The following BBS9 variants were observed in gnomAD, a reference collection of about 807,000 sequenced individuals.
BBS9 encodes the protein protein PTHB1.
BBS9 carries 89 observed loss-of-function variants against 117.7 expected under a neutral mutation model. That is an observed-to-expected ratio of 0.76 (90% confidence interval 0.64 to 0.90). The LOEUF (loss-of-function observed/expected upper bound fraction) is 0.90, where lower values mean the gene tolerates loss of function less well. Ranked by LOEUF, BBS9 falls within the 40% of genes least tolerant of loss-of-function variation. BBS9 has a pLI of 0.00. For synonymous variants in BBS9, 379 were observed against 370.9 expected, an observed-to-expected ratio of 1.02 and a Z score of -0.25; for missense variants, 982 against 1,042.2, an observed-to-expected ratio of 0.94 and a Z score of 0.80.
chr7:33,449,885 A>G (rs1211646759), intron 19 of BBS9, among the ~76,000 whole-genome samples: 1 of 152,128 alleles, frequency 6.6e-6, no homozygotes, highest in African/African-American at 2.4e-5. Flanking sequence ...GACACACACG[A>G]CATAAAATTC....
chr7:33,576,424 A>G (rs1858877575), intron 21 of BBS9, among the ~76,000 whole-genome samples: 2 of 152,330 alleles, frequency 1.3e-5, no homozygotes, highest in Middle Eastern at 3.4e-3. Context: ...AAGAAATGGA[A>G]GAACATTTCA....
chr7:33,605,106 A>G, intron 22 of BBS9, 89 bp from the exon 23 acceptor site: 5 of 1,475,394 alleles, frequency 3.4e-6, no homozygotes, highest in Non-Finnish European at 4.7e-6. Context: ...TCCCCTTAGC[A>G]CTGGTGCAGC....
chr7:33,617,725 T>C (rs1865210786), intron 21 of BBS9, among the ~76,000 whole-genome samples: 2 of 152,182 alleles, frequency 1.3e-5, no homozygotes, highest in East Asian at 1.9e-4. Context: ...CCAAACAAAT[T>C]CTAGTGCTAA....
intron 21 of BBS9, among the ~76,000 whole-genome samples, chr7:33,548,683 C>G (rs946792556): frequency 2.6e-5 from 4 of 151,588 alleles, no homozygotes; most frequent in African/African-American, 7.3e-5. Flanking sequence ...ACAATTGCTT[C>G]AAAGAGAATA....
At chr7:33,549,882 A>C (rs1198291258) in intron 21 of BBS9, among the ~76,000 whole-genome samples, 1 of 152,214 alleles carries the variant, frequency 6.6e-6, no homozygotes, top group Non-Finnish European at 1.5e-5. Context: ...CCTCAGGAAG[A>C]TATTTAGCTC....
At chr7:33,167,193 A>T (rs6978749) in intron 4 of BBS9, among the ~76,000 whole-genome samples, 1 of 152,038 alleles carries the variant, frequency 6.6e-6, no homozygotes. Context: ...TGTTTCTCCA[A>T]TTTAGGTTCA....
At chr7:33,625,729 G>A (rs1388300328) in intron 21 of BBS9, among the ~76,000 whole-genome samples, 1 of 152,116 alleles carries the variant, frequency 6.6e-6, no homozygotes, top group Non-Finnish European at 1.5e-5. Flanking sequence ...TCCTACTTAG[G>A]TGGGTAATGC....
intron 13 of BBS9, among the ~76,000 whole-genome samples, chr7:33,350,691 G>A (rs1428200588): frequency 1.3e-5 from 2 of 152,124 alleles, no homozygotes; most frequent in African/African-American, 2.4e-5. Flanking sequence ...TTTGTACCTT[G>A]TTCTGGAGTT....
chr7:33,368,913 T>C, intron 17 of BBS9, among the ~76,000 whole-genome samples: 1 of 152,112 alleles, frequency 6.6e-6, no homozygotes, highest in South Asian at 2.1e-4. Flanking sequence ...GAAGACTCAA[T>C]AATAGGTCAC....
chr7:33,617,888 T>C (rs1413965762), intron 21 of BBS9, among the ~76,000 whole-genome samples: 1 of 152,142 alleles, frequency 6.6e-6, no homozygotes, highest in Non-Finnish European at 1.5e-5. Context: ...CCTATAAGAA[T>C]TGTGGGACAT....
At chr7:33,602,755 G>A (rs1863991244) in intron 21 of BBS9, among the ~76,000 whole-genome samples, 1 of 151,998 alleles carries the variant, frequency 6.6e-6, no homozygotes, top group Non-Finnish European at 1.5e-5. Flanking sequence ...ATGAAAGAAA[G>A]GTGGGTGGCA....
chr7:33,320,118 T>C (rs1811381643), intron 9 of BBS9, among the ~76,000 whole-genome samples: 1 of 152,160 alleles, frequency 6.6e-6, no homozygotes, highest in African/African-American at 2.4e-5. Flanking sequence ...AGTTCAGTTA[T>C]ACTCTTTAGC....
intron 19 of BBS9, among the ~76,000 whole-genome samples, chr7:33,435,206 A>C (rs963656278): frequency 6.6e-6 from 1 of 152,148 alleles, no homozygotes; most frequent in Admixed American, 6.5e-5. Context: ...TGTCTTACTG[A>C]TGGTAAAAGG....
intron 9 of BBS9, among the ~76,000 whole-genome samples, chr7:33,335,835 C>T (rs867657394): frequency 2.0e-5 from 3 of 151,940 alleles, no homozygotes; most frequent in African/African-American, 4.8e-5. Flanking sequence ...AATAGGAGAG[C>T]GTGTGAAGGA....
chr7:33,163,419 T>G (rs1336044399), intron 4 of BBS9, among the ~76,000 whole-genome samples: 1 of 152,232 alleles, frequency 6.6e-6, no homozygotes, highest in Non-Finnish European at 1.5e-5. Flanking sequence ...CACCTCCTCT[T>G]TGTACCTCTG....
At chr7:33,442,035 G>A (rs1563182319) in intron 19 of BBS9, among the ~76,000 whole-genome samples, 1 of 152,002 alleles carries the variant, frequency 6.6e-6, no homozygotes, top group East Asian at 1.9e-4. Flanking sequence ...GGGACTACAG[G>A]CACCCGCCAC....
intron 21 of BBS9, among the ~76,000 whole-genome samples, chr7:33,575,291 T>C (rs542141810): frequency 9.7e-4 from 147 of 152,206 alleles, no homozygotes; most frequent in African/African-American, 1.7e-3. Flanking sequence ...AGTTCATCAG[T>C]ATGTCTCTTA....
At chr7:33,493,243 C>T (rs1327656465) in intron 19 of BBS9, among the ~76,000 whole-genome samples, 1 of 152,202 alleles carries the variant, frequency 6.6e-6, no homozygotes, top group Non-Finnish European at 1.5e-5. Context: ...GATCGCCTGC[C>T]TTGGCCTCCC....
chr7:33,548,593 C>T (rs981787572), intron 21 of BBS9, among the ~76,000 whole-genome samples: 4 of 147,558 alleles, frequency 2.7e-5, no homozygotes, highest in African/African-American at 7.5e-5. Flanking sequence ...TGAGAATATG[C>T]GGTGTTTGGT....
Sources: gnomAD v4.1 joint callset for allele counts (sites outside exome capture counted in the v4.1 genomes callset) on GRCh38, gnomAD v4.1.1 for gene constraint, MANE v1.5 for transcripts, NCBI Gene and HGNC (gene_info 2026-07-23, HGNC 2026-07-21) for gene names.